Variants in ZNF184 observed in about 807,000 individuals in gnomAD.
ZNF184 encodes the protein zinc finger protein 184.
A neutral mutation model predicts 54.4 loss-of-function variants in ZNF184; 16 were observed. The ratio of observed to expected loss-of-function variants is 0.29; its 90% CI spans 0.20 to 0.45. The LOEUF is 0.45. Among genes scored for constraint, ZNF184 ranks in the 20% least tolerant of loss-of-function variants. ZNF184 has a pLI of 1.00. For synonymous variants in ZNF184, 254 were observed against 295.3 expected, an observed-to-expected ratio of 0.86 and a Z score of 1.43; for missense variants, 681 against 888.2, an observed-to-expected ratio of 0.77 and a Z score of 2.97.
At chr6:27,409,287 G>A in the ZNF184 span, among the ~76,000 whole-genome samples, 6 of 151,962 alleles carry the variant, frequency 3.9e-5, no homozygotes, top group African/African-American at 1.4e-4. Flanking sequence ...ATCACAAGGT[G>A]AGGAGATCGA....
the ZNF184 span, among the ~76,000 whole-genome samples, chr6:27,437,942 C>T: frequency 6.6e-6 from 1 of 152,266 alleles, no homozygotes; most frequent in Middle Eastern, 3.4e-3. Context: ...AGGTCAAATC[C>T]ACTTACACAA....
chr6:27,442,530 A>C, the ZNF184 span, among the ~76,000 whole-genome samples: 6 of 152,020 alleles, frequency 3.9e-5, no homozygotes, highest in African/African-American at 1.5e-4. Flanking sequence ...CTGAGGTGGA[A>C]GGATTGCTTG....
At chr6:27,454,885 G>A (rs1762818033) in intron 5 of ZNF184, among the ~76,000 whole-genome samples, 1 of 152,086 alleles carries the variant, frequency 6.6e-6, no homozygotes, top group South Asian at 2.1e-4. Context: ...AGTAATCGAG[G>A]GTGTTGACAA....
At chr6:27,425,946 C>T in the ZNF184 span, among the ~76,000 whole-genome samples, 1 of 152,230 alleles carries the variant, frequency 6.6e-6, no homozygotes, top group East Asian at 1.9e-4. Flanking sequence ...AGTCCAAAGA[C>T]TGTGGTGGTA....
chr6:27,452,971 T>C lies in ZNF184; in HGVS notation c.588A>G (p.Gln196=). 6.2e-7 allele frequency: 1 copy of C among 1,614,210 alleles called. No homozygotes were observed. Among genetic ancestry groups the C allele is most frequent in the Non-Finnish European group, 8.5e-7 (1 of 1,180,026 alleles). The change falls in exon 6 of 6, where the codon CAA becomes CAG. Residue 196 remains glutamine (Q), a synonymous_variant. Transcript: ENST00000683788. The surrounding 1 kb of genome is among the most constrained non-coding windows in gnomAD (Gnocchi z 5.5). The stretch of plus-strand genomic sequence containing the variant: ...TAGAGGTCTCTTCTGGAGATGGTTC[T>C]TGTGTTACAAGGTTTGAACTCACAT... The part of the protein sequence containing the change: ...SVNVSSNLVT[Q]EPSPEETSTK...
At chr6:27,459,998 A>G (rs1762957860) in intron 3 of ZNF184, among the ~76,000 whole-genome samples, 1 of 152,198 alleles carries the variant, frequency 6.6e-6, no homozygotes, top group Non-Finnish European at 1.5e-5. Context: ...CCTCATCGGC[A>G]CTAAAGATAA....
chr6:27,429,678 C>G, the ZNF184 span, among the ~76,000 whole-genome samples: 5 of 152,318 alleles, frequency 3.3e-5, no homozygotes, highest in East Asian at 9.7e-4. Context: ...CAGCTTTGCA[C>G]TATTCTCTTC....
the ZNF184 span, among the ~76,000 whole-genome samples, chr6:27,433,533 T>C: frequency 3.9e-5 from 6 of 152,202 alleles, no homozygotes; most frequent in African/African-American, 1.2e-4. Flanking sequence ...GTAATCTACT[T>C]TATGTCTCTG....
intron 2 of ZNF184, among the ~76,000 whole-genome samples, chr6:27,470,132 G>T (rs1367246693): frequency 6.6e-6 from 1 of 152,184 alleles, no homozygotes; most frequent in African/African-American, 2.4e-5. Context: ...TTATGACCAA[G>T]CCTTGTTTAA....
chr6:27,461,059 C>G (rs147609646), intron 3 of ZNF184, among the ~76,000 whole-genome samples: 1 of 152,166 alleles, frequency 6.6e-6, no homozygotes, highest in African/African-American at 2.4e-5. Context: ...CTGTCAACAT[C>G]GTTTAAAGAA....
chr6:27,406,603 CT>C, the ZNF184 span: 34 of 152,482 alleles, frequency 2.2e-4, no homozygotes, highest in African/African-American at 7.9e-4. Flanking sequence ...CTGGAACACT[CT>C]GGCAGGACCA....
chr6:27,465,588 T>C (rs1763116018), intron 3 of ZNF184, among the ~76,000 whole-genome samples: 2 of 141,180 alleles, frequency 1.4e-5, no homozygotes, highest in South Asian at 2.2e-4. Context: ...CAAAAATATA[T>C]AAAAATATAT....
chr6:27,447,974 T>A (rs1228852230), downstream of ZNF184, among the ~76,000 whole-genome samples: 3 of 152,232 alleles, frequency 2.0e-5, no homozygotes, highest in Admixed American at 6.5e-5. Context: ...AGAAAAAGGC[T>A]GTGATTTGAG....
the ZNF184 span, among the ~76,000 whole-genome samples, chr6:27,424,164 CG>C: frequency 1.3e-5 from 2 of 152,100 alleles, no homozygotes; most frequent in Admixed American, 6.5e-5. Context: ...CAGACCTTTG[CG>C]GTAAGTGTTA....
chr6:27,435,004 T>C, the ZNF184 span, among the ~76,000 whole-genome samples: 2 of 152,238 alleles, frequency 1.3e-5, no homozygotes, highest in East Asian at 3.8e-4. Context: ...GTCTAGTCTC[T>C]TCCATTGGTC....
chr6:27,424,290 A>C, the ZNF184 span, among the ~76,000 whole-genome samples: 1 of 152,242 alleles, frequency 6.6e-6, no homozygotes, highest in Non-Finnish European at 1.5e-5. Context: ...AAGTAGTGTG[A>C]GCACAAAGAG....
chr6:27,417,807 A>C, the ZNF184 span, among the ~76,000 whole-genome samples: 1 of 152,240 alleles, frequency 6.6e-6, no homozygotes, highest in African/African-American at 2.4e-5. Flanking sequence ...CTATGTATGT[A>C]GTATAATTTC....
the ZNF184 span, among the ~76,000 whole-genome samples, chr6:27,419,100 GT>G: frequency 1.3e-4 from 20 of 151,456 alleles, no homozygotes; most frequent in Non-Finnish European, 2.4e-4. The surrounding 1 kb of genome is among the most constrained non-coding windows in gnomAD (Gnocchi z 4.8). Flanking sequence ...TTTAATTTTA[GT>G]ATATATTTAT....
the ZNF184 span, among the ~76,000 whole-genome samples, chr6:27,435,860 A>G: frequency 1.3e-5 from 2 of 151,396 alleles, no homozygotes; most frequent in African/African-American, 2.4e-5. Flanking sequence ...ATATGCCTTC[A>G]GTCATATGGT....
Sources: gnomAD v4.1 joint callset for allele counts (sites outside exome capture counted in the v4.1 genomes callset) on GRCh38, gnomAD v4.1.1 for gene constraint, Gnocchi (gnomAD v3.1) non-coding constraint, MANE v1.5 for transcripts, NCBI Gene and HGNC (gene_info 2026-07-23, HGNC 2026-07-21) for gene names.